The following ACADL variants were observed in gnomAD, a reference collection of about 807,000 sequenced individuals.
ACADL encodes the protein acyl-CoA dehydrogenase long chain, also known as long-chain specific acyl-CoA dehydrogenase, mitochondrial.
In ACADL, 60 loss-of-function variants were observed where a neutral mutation model predicts 56.9. That is an observed-to-expected ratio of 1.05 (90% CI 0.86 to 1.31). The LOEUF is 1.31. Among genes scored for constraint, ACADL ranks in the 50% most tolerant of loss-of-function variants. ACADL has a pLI of 0.00. For synonymous variants in ACADL, 158 were observed against 179.7 expected, an observed-to-expected ratio of 0.88 and a Z score of 0.97; for missense variants, 484 against 525.5, an observed-to-expected ratio of 0.92 and a Z score of 0.77.
intron 5 of ACADL, among the ~76,000 whole-genome samples, chr2:210,207,498 G>C (rs1229327374): frequency 6.6e-6 from 1 of 151,990 alleles, no homozygotes; most frequent in Non-Finnish European, 1.5e-5. Flanking sequence ...CTGCTACTTG[G>C]GAAAGGCCCT....
intron 5 of ACADL, among the ~76,000 whole-genome samples, chr2:210,208,323 T>G (rs1281490014): frequency 6.6e-6 from 1 of 152,222 alleles, no homozygotes; most frequent in African/African-American, 2.4e-5. Context: ...GAAGTTCTTA[T>G]TGGAAGTAAT....
At chr2:210,223,826 CTT>C (rs1300987342) in intron 1 of ACADL, among the ~76,000 whole-genome samples, 3 of 152,050 alleles carry the variant, frequency 2.0e-5, no homozygotes. Context: ...CTTATTGTAA[CTT>C]TTAAATAAAC....
intron 1 of ACADL, among the ~76,000 whole-genome samples, chr2:210,221,035 T>C (rs1373803946): frequency 6.6e-6 from 1 of 152,118 alleles, no homozygotes; most frequent in Non-Finnish European, 1.5e-5. Flanking sequence ...TCGGTCTCCA[T>C]CTCCAAATCC....
At chr2:210,221,874 G>A (rs892011292) in intron 1 of ACADL, among the ~76,000 whole-genome samples, 7 of 151,898 alleles carry the variant, frequency 4.6e-5, no homozygotes, top group South Asian at 2.1e-4. Context: ...GATTGCAGGC[G>A]CCTGCCACAC....
At chr2:210,216,816 C>G (rs1689094806) in intron 3 of ACADL, 1 of 272,696 alleles carries the variant, frequency 3.7e-6, no homozygotes, top group Non-Finnish European at 7.1e-6. Flanking sequence ...CTGTATTCCT[C>G]TAATTACCTT....
chr2:210,189,747 A>G (rs1239852364), intron 10 of ACADL, among the ~76,000 whole-genome samples: 5 of 152,044 alleles, frequency 3.3e-5, no homozygotes, highest in African/African-American at 4.8e-5. Flanking sequence ...ATCTTTTCTC[A>G]TCTCATTTTA....
intron 1 of ACADL, chr2:210,224,702 C>G: frequency 1.0e-6 from 1 of 986,856 alleles, no homozygotes; most frequent in South Asian, 4.7e-5. Flanking sequence ...CGCCGCAGCC[C>G]GGGCACTGAG....
intron 8 of ACADL, among the ~76,000 whole-genome samples, chr2:210,197,264 G>A (rs940468329): frequency 6.6e-5 from 10 of 152,114 alleles, no homozygotes; most frequent in Non-Finnish European, 5.9e-5. Context: ...ACTAAGCAAT[G>A]AGAAGGTTGG....
intron 8 of ACADL, among the ~76,000 whole-genome samples, chr2:210,197,766 TTG>T (rs1362235204): frequency 6.6e-6 from 1 of 152,186 alleles, no homozygotes; most frequent in Non-Finnish European, 1.5e-5. Flanking sequence ...AGTCATTCCT[TTG>T]TAAATGCTGG....
intron 8 of ACADL, among the ~76,000 whole-genome samples, chr2:210,202,778 C>T (rs4452081): frequency 6.6e-6 from 1 of 152,182 alleles, no homozygotes; most frequent in Admixed American, 6.5e-5. Context: ...ACCACCCTTT[C>T]TCTCAACTAC....
At chr2:210,196,072 G>T (rs1368102289) in intron 8 of ACADL, among the ~76,000 whole-genome samples, 2 of 152,052 alleles carry the variant, frequency 1.3e-5, no homozygotes, top group African/African-American at 4.8e-5. Flanking sequence ...AATCATGGGG[G>T]TGGGTTTGTC....
intron 8 of ACADL, among the ~76,000 whole-genome samples, chr2:210,203,002 C>T (rs1186405607): frequency 6.6e-6 from 1 of 152,208 alleles, no homozygotes; most frequent in East Asian, 1.9e-4. Context: ...ATGAAGCCCT[C>T]TTTCCTTCCA....
chr2:210,195,358 A>G lies in ACADL; in HGVS notation c.985-20T>C. The G allele has an allele frequency of 6.2e-7, 1 of 1,604,264 alleles. No individual in the cohort carries two copies. ...CACTGTCTTGAATTTAAAGGAAATA[A>G]AAGAAAAAAGTGAGCATGGTAGAAA... On this transcript the variant is annotated intron_variant, in intron 8 of 10. Transcript: ENST00000233710.
In ACADL at chr2:210,204,799, A is replaced by G. The variant is rs1469856713; in HGVS notation, c.769-117T>C. Reference sequence around the variant, plus strand: ...AAAACAAAACACAAATTGGAAGCCAAGTTGGAGTAGTTAATGAACATAACT... The same window carrying G: ...AAAACAAAACACAAATTGGAAGCCAGGTTGGAGTAGTTAATGAACATAACT... On this transcript the variant is annotated intron_variant, in intron 6 of 10. Coordinates refer to ENST00000233710, the MANE Select transcript of ACADL (RefSeq NM_001608.4). 5 of 803,360 alleles carry G rather than the reference A, an allele frequency of 6.2e-6. No individual in the cohort carries two copies. The African/African-American group carries it at 8.6e-5, about 14-fold the overall frequency. 49.8% of individuals were successfully genotyped at this position (803,360 alleles called of 1,614,324 possible). A position where few individuals can be genotyped will look rare whatever the true frequency, so the allele number is the denominator to read the frequency against.
At chr2:210,205,078 G>A (rs1421280232) in intron 6 of ACADL, among the ~76,000 whole-genome samples, 1 of 152,080 alleles carries the variant, frequency 6.6e-6, no homozygotes, top group Non-Finnish European at 1.5e-5. Flanking sequence ...CCAGGCTGGA[G>A]TGCAGTGGCG....
intron 8 of ACADL, among the ~76,000 whole-genome samples, chr2:210,198,937 C>T (rs73065819): frequency 6.6e-6 from 1 of 151,996 alleles, no homozygotes; most frequent in African/African-American, 2.4e-5. Flanking sequence ...ATTGCTACAT[C>T]CATACGTAGG....
chr2:210,214,467 A>AAAAGAAAGAAAGAAAGAAAGAAAG (rs60795055), intron 4 of ACADL, among the ~76,000 whole-genome samples: 28,251 of 122,036 alleles, frequency 0.23, 4,097 homozygotes, highest in South Asian at 0.26. Flanking sequence ...GACCTTCCAA[A>AAAAGAAAGAAAGAAAGAAAGAAAG]AAAGAAAGAA....
chr2:210,210,265 G>A lies in ACADL; in HGVS notation c.537-3C>T. Reference sequence around the variant, plus strand: ...TTGTTTTTATTCCCTGTAAGTCACTGTAATTGAAAGAAAAGATAAAAAATT... The same window carrying A: ...TTGTTTTTATTCCCTGTAAGTCACTATAATTGAAAGAAAAGATAAAAAATT... On this transcript the variant is annotated splice_polypyrimidine_tract_variant and splice_region_variant and intron_variant, in intron 4 of 10. Transcript: ENST00000233710. The A allele has an allele frequency of 6.3e-7, 1 of 1,598,018 alleles. No individual in the cohort carries two copies. The highest frequency in any genetic ancestry group is 8.6e-7 in the Non-Finnish European group (1 of 1,166,776).
At position 210,192,864 on chromosome 2, in the gene ACADL, G is replaced by A; in HGVS notation, c.1139C>T (p.Ala380Val). Residue 380 changes from alanine (A) to valine (V), a missense_variant, in exon 10 of 11, where the codon GCT becomes GTT. By Grantham distance (64) the Ala-to-Val change is moderately conservative. Transcript: ENST00000233710. ...YWASELQNSV[A>V]YDCVQLHGGW... ...TCCATGGAGCTGTACACAGTCGTAA[G>A]CTACACTATTTTGTAACTCAGATGC... 5 of 1,613,766 alleles carry A rather than the reference G, an allele frequency of 3.1e-6. No homozygotes were observed. Among genetic ancestry groups the A allele is most frequent in the Non-Finnish European group, 4.2e-6 (5 of 1,179,832 alleles).
Sources: allele counts gnomAD v4.1 joint callset (sites outside exome capture counted in the v4.1 genomes callset), GRCh38; gene constraint gnomAD v4.1.1; transcripts MANE v1.5; gene names NCBI Gene and HGNC (gene_info 2026-07-23, HGNC 2026-07-21).